ZBTB44: variants seen among roughly 807,000 people sequenced by gnomAD.
ZBTB44 encodes zinc finger and BTB domain-containing protein 44.
A neutral mutation model predicts 54.0 loss-of-function variants in ZBTB44; 15 were observed. The observed-to-expected ratio is 0.28, with a 90% CI of 0.19 to 0.43. ZBTB44 has a LOEUF of 0.43. ZBTB44 is among the 20% of genes least tolerant of loss of function. The probability of loss-of-function intolerance (pLI) is 1.00; values close to 1 mark genes in which losing one functional copy is unlikely to be tolerated. For missense variants in ZBTB44, 487 were observed against 707.1 expected (o/e 0.69, Z 3.53); for synonymous variants, 230 against 250.1 (o/e 0.92, Z 0.76).
intron 2 of ZBTB44, among the ~76,000 whole-genome samples, chr11:130,258,441 C>A (rs911110878): frequency 3.9e-5 from 6 of 152,180 alleles, no homozygotes; most frequent in African/African-American, 1.2e-4. Context: ...ACCAAACTCA[C>A]TGCATGTCAA....
chr11:130,283,497 G>A (rs1265772073), intron 1 of ZBTB44, among the ~76,000 whole-genome samples: 1 of 152,102 alleles, frequency 6.6e-6, no homozygotes, highest in Non-Finnish European at 1.5e-5. Flanking sequence ...AAGCGCACCA[G>A]ACTTTATTTT....
chr11:130,302,921 G>A (rs1034706141), intron 1 of ZBTB44, among the ~76,000 whole-genome samples: 4 of 152,186 alleles, frequency 2.6e-5, no homozygotes, highest in African/African-American at 7.2e-5. Context: ...GTTGCAGGGA[G>A]CCAAGATCAC....
intron 1 of ZBTB44, among the ~76,000 whole-genome samples, chr11:130,301,496 T>A (rs568673053): frequency 6.6e-6 from 1 of 152,054 alleles, no homozygotes; most frequent in Admixed American, 6.5e-5. Context: ...GATGCGGGCA[T>A]CTACAAAAAA....
chr11:130,278,144 G>A (rs1050547012), intron 1 of ZBTB44, among the ~76,000 whole-genome samples: 2 of 152,102 alleles, frequency 1.3e-5, no homozygotes, highest in Non-Finnish European at 2.9e-5. Context: ...TATCCAATAA[G>A]CCCATTGTTA....
chr11:130,247,671 C>A (rs1319394284), intron 2 of ZBTB44, among the ~76,000 whole-genome samples: 1 of 152,120 alleles, frequency 6.6e-6, no homozygotes, highest in Non-Finnish European at 1.5e-5. Flanking sequence ...ACTGGCAAAA[C>A]CATTTCAAAA....
intron 1 of ZBTB44, among the ~76,000 whole-genome samples, chr11:130,298,011 CTTACT>C (rs1941755016): frequency 6.6e-6 from 1 of 152,064 alleles, no homozygotes; most frequent in South Asian, 2.1e-4. Flanking sequence ...CTGGAGTTGG[CTTACT>C]TTAATATCAG....
chr11:130,261,920 CAG>C lies in ZBTB44; in HGVS notation c.-49_-48del, dbSNP rs1471703691. The C allele has an allele frequency of 7.3e-6, 11 of 1,508,932 alleles. No homozygotes were observed. Among genetic ancestry groups the C allele is most frequent in the East Asian group, 2.3e-5 (1 of 43,814 alleles). The allele number at this position is 1,508,932 out of a possible 1,614,324, so 93.5% of individuals were successfully genotyped here. Reference sequence around the variant, plus strand: ...ATGCTCTTCAAGGATGCAAATAAATCAGAAATGTCCTAAAAAATACATAAAAT... The same window carrying C: ...ATGCTCTTCAAGGATGCAAATAAATCAAATGTCCTAAAAAATACATAAAAT... On this transcript the variant is annotated 5_prime_UTR_variant, in exon 2 of 8. Transcript: ENST00000357899. The surrounding 1 kb of genome is among the most constrained non-coding windows in gnomAD (Gnocchi z 4.8).
chr11:130,308,158 C>T (rs1227183745), intron 1 of ZBTB44, among the ~76,000 whole-genome samples: 1 of 152,188 alleles, frequency 6.6e-6, no homozygotes, highest in Non-Finnish European at 1.5e-5. Flanking sequence ...GGCCTAGGAG[C>T]AACAGGCTAT....
chr11:130,274,237 T>C (rs568935639), intron 1 of ZBTB44, among the ~76,000 whole-genome samples: 1 of 152,310 alleles, frequency 6.6e-6, no homozygotes, highest in East Asian at 1.9e-4. Context: ...CTCAAAACAC[T>C]TTGCACTTTG....
At chr11:130,256,124 C>A (rs898756839) in intron 2 of ZBTB44, among the ~76,000 whole-genome samples, 6 of 152,086 alleles carry the variant, frequency 3.9e-5, no homozygotes, top group Admixed American at 3.9e-4. Context: ...CAAAACCTGG[C>A]AGAGGCACAA....
intron 1 of ZBTB44, among the ~76,000 whole-genome samples, chr11:130,273,065 A>C (rs1306825275): frequency 2.0e-5 from 3 of 152,136 alleles, no homozygotes; most frequent in Non-Finnish European, 4.4e-5. Flanking sequence ...TCAGAATCAG[A>C]CTGTCAATCT....
intron 1 of ZBTB44, among the ~76,000 whole-genome samples, chr11:130,299,991 A>C (rs1049446519): frequency 6.6e-6 from 1 of 152,266 alleles, no homozygotes; most frequent in African/African-American, 2.4e-5. Context: ...AAAGGAAGGA[A>C]ATTCAGATAC....
chr11:130,272,655 G>C (rs1002213393), intron 1 of ZBTB44, among the ~76,000 whole-genome samples: 1 of 150,040 alleles, frequency 6.7e-6, no homozygotes, highest in Non-Finnish European at 1.5e-5. Context: ...CAAATTCCTT[G>C]CCAAATACAA....
chr11:130,288,380 AAAAT>A lies in ZBTB44; in HGVS notation c.-57+25991_-57+25994del, dbSNP rs544157240. Among the ~76,000 whole-genome samples, 49 of 151,940 alleles carry A rather than the reference AAAAT, an allele frequency of 3.2e-4. 1 individual carries two copies. In the East Asian group the frequency reaches 9.1e-3, roughly 28 times the overall value. ...CAGAGCCAGACTCTGTCTCGGGAAA[AAAAT>A]AAATAAATAAATAAAATAAAATAAA... On this transcript the variant is annotated intron_variant, in intron 1 of 7. Transcript: ENST00000357899.
intron 2 of ZBTB44, among the ~76,000 whole-genome samples, chr11:130,253,015 C>T (rs1276389051): frequency 2.6e-5 from 4 of 152,190 alleles, no homozygotes; most frequent in African/African-American, 9.6e-5. Context: ...ATTCAACAGC[C>T]CTTCATGCTA....
intron 2 of ZBTB44, among the ~76,000 whole-genome samples, chr11:130,244,291 T>C (rs1954530950): frequency 6.6e-6 from 1 of 152,172 alleles, no homozygotes; most frequent in South Asian, 2.1e-4. Flanking sequence ...ACCAGCTGTG[T>C]TGCACCAAAT....
At chr11:130,287,122 C>A (rs1308533358) in intron 1 of ZBTB44, among the ~76,000 whole-genome samples, 1 of 152,178 alleles carries the variant, frequency 6.6e-6, no homozygotes, top group South Asian at 2.1e-4. Flanking sequence ...CATACCACTA[C>A]AGAATTTCTT....
At chr11:130,258,727 T>C (rs1938625330) in intron 2 of ZBTB44, among the ~76,000 whole-genome samples, 1 of 152,234 alleles carries the variant, frequency 6.6e-6, no homozygotes, top group African/African-American at 2.4e-5. Flanking sequence ...ACATAGGTGC[T>C]TTCTTGATAC....
Position 130,261,700 on chromosome 11 carries a change from G to A in ZBTB44, c.174C>T (p.Thr58=), listed in dbSNP as rs368154096. ...CATCCTCGGCTTGGCCTACAAGTTT[G>A]GTGCGAAAGAAATCACTGCAAGCTG... ...VLAACSDFFR[T]KLVGQAEDEN... Residue 58 remains threonine (T), a synonymous_variant, in exon 2 of 8, where the codon ACC becomes ACT. Coordinates refer to ENST00000357899, the MANE Select transcript of ZBTB44 (RefSeq NM_001301098.2). The surrounding 1 kb of genome is among the most constrained non-coding windows in gnomAD (Gnocchi z 4.8). 11 of 1,613,874 alleles carry A rather than the reference G, an allele frequency of 6.8e-6. No homozygotes were observed. Among genetic ancestry groups the A allele is most frequent in the Middle Eastern group, 3.3e-4 (2 of 6,084 alleles).
Sources: allele counts gnomAD v4.1 joint callset (sites outside exome capture counted in the v4.1 genomes callset), GRCh38; gene constraint gnomAD v4.1.1; non-coding constraint Gnocchi (gnomAD v3.1); transcripts MANE v1.5; gene names NCBI Gene and HGNC (gene_info 2026-07-23, HGNC 2026-07-21).